Variants in AGTPBP1 observed in about 807,000 individuals in gnomAD.
AGTPBP1 encodes the protein cytosolic carboxypeptidase 1.
A neutral mutation model predicts 143.9 loss-of-function variants in AGTPBP1; 70 were observed. The observed-to-expected ratio is 0.49, with a 90% confidence interval of 0.40 to 0.59. The LOEUF (loss-of-function observed/expected upper bound fraction) is 0.59, where lower values mean the gene tolerates loss of function less well. Among genes scored for constraint, AGTPBP1 ranks in the 20% least tolerant of loss-of-function variants. The pLI is 0.00. For missense variants in AGTPBP1, 1,229 were observed against 1,464.5 expected (o/e 0.84, Z 2.62); for synonymous variants, 463 against 500.2 (o/e 0.93, Z 0.99).
At position 85,632,831 on chromosome 9, in the gene AGTPBP1, C is replaced by T. The variant is rs767268412; in HGVS notation, c.1846G>A (p.Val616Ile). 9.3e-6 allele frequency: 15 copies of T among 1,614,032 alleles called. No homozygotes were observed. Among genetic ancestry groups the T allele is most frequent in the Non-Finnish European group, 1.2e-5 (14 of 1,180,028 alleles). ...AGTGTTGGTCCATCAGGTACTTCAACCGATGCTTGTTCTACCGATGAATTT... is the reference window on the plus strand; with the variant it reads ...AGTGTTGGTCCATCAGGTACTTCAATCGATGCTTGTTCTACCGATGAATTT... The part of the protein sequence containing the change: ...ESNSSVEQAS[V>I]EVPDGPTLHD... The change falls in exon 14 of 26, where the codon GTT becomes ATT. Residue 616 changes from valine to isoleucine, a missense_variant. By Grantham distance (29) the Val-to-Ile change is conservative. Around this residue, in one of 2 missense-constraint regions of AGTPBP1, gnomAD observed 743 missense variants for 812.2 expected, o/e 0.91. Coordinates refer to ENST00000357081, the MANE Select transcript of AGTPBP1 (RefSeq NM_001330701.2).
the AGTPBP1 span, chr9:85,753,212 T>C: frequency 8.7e-6 from 13 of 1,499,390 alleles, 1 homozygote; most frequent in Non-Finnish European, 1.1e-5. Flanking sequence ...CGAGATCTTG[T>C]CTCCAAAAAA....
chr9:85,582,594 CA>C, intron 23 of AGTPBP1, among the ~76,000 whole-genome samples: 1 of 152,020 alleles, frequency 6.6e-6, no homozygotes, highest in Non-Finnish European at 1.5e-5. Flanking sequence ...GCAGGACAAT[CA>C]TTTGAACCAG....
Position 85,589,562 on chromosome 9 carries a change from T to C in AGTPBP1, c.2688A>G (p.Pro896=), listed in dbSNP as rs755753117. 1.2e-6 allele frequency: 2 copies of C among 1,611,834 alleles called. No homozygotes were observed. Among genetic ancestry groups the C allele is most frequent in the Admixed American group, 1.7e-5 (1 of 59,480 alleles). Reference sequence around the variant, plus strand: ...AGATATGTTCATAATAATTAGACTCTGGCATTGCTGTTATAGTCACCAAGG... The same window carrying C: ...AGATATGTTCATAATAATTAGACTCCGGCATTGCTGTTATAGTCACCAAGG... ...SCPLVTITAM[P]ESNYYEHICH... The change falls in exon 20 of 26, where the codon CCA becomes CCG. Residue 896 remains proline, a synonymous_variant. Transcript: ENST00000357081.
At chr9:85,713,350 G>A (rs1199724133) in intron 1 of AGTPBP1, among the ~76,000 whole-genome samples, 4 of 152,174 alleles carry the variant, frequency 2.6e-5, no homozygotes, top group Non-Finnish European at 5.9e-5. Flanking sequence ...GGCCAACATG[G>A]TGAAACCCCA....
At chr9:85,640,724 A>C (rs1832407438) in intron 13 of AGTPBP1, among the ~76,000 whole-genome samples, 1 of 107,076 alleles carries the variant, frequency 9.3e-6, no homozygotes, top group South Asian at 3.1e-4. Context: ...TAAACATAGA[A>C]TGCAAGACAA....
chr9:85,762,788 T>C, the AGTPBP1 span, among the ~76,000 whole-genome samples: 1 of 145,530 alleles, frequency 6.9e-6, no homozygotes, highest in African/African-American at 2.6e-5. Context: ...TATAAAACTT[T>C]ATATATATAA....
At chr9:85,615,935 C>T (rs1193405016) in intron 17 of AGTPBP1, among the ~76,000 whole-genome samples, 1 of 151,884 alleles carries the variant, frequency 6.6e-6, no homozygotes, top group Non-Finnish European at 1.5e-5. Context: ...ACAGTACTTC[C>T]ACTGGATGTC....
chr9:85,547,181 T>C lies in AGTPBP1; in HGVS notation c.3609A>G (p.Val1203=), dbSNP rs746947692. 3 of 1,613,626 alleles carry C rather than the reference T, an allele frequency of 1.9e-6. No individual in the cohort carries two copies. In the South Asian group the frequency reaches 3.3e-5, roughly 18 times the overall value. ...CTTGAGCAGAAGGTTCATAATCTCC[T>C]ACATTTTCAGCCAACTCAATATCTA... is the stretch of plus-strand genomic sequence containing the variant. ...DELDIELAEN[V]GDYEPSAQEE... Residue 1203 remains valine, a synonymous_variant, in exon 26 of 26, where the codon GTA becomes GTG. Transcript: ENST00000357081.
intron 3 of AGTPBP1, among the ~76,000 whole-genome samples, chr9:85,683,898 G>A (rs1173760278): frequency 6.6e-6 from 1 of 151,870 alleles, no homozygotes; most frequent in Non-Finnish European, 1.5e-5. Context: ...CACAGTATCA[G>A]TCCCCTCCAT....
At chr9:85,636,099 T>A (rs767976447) in intron 13 of AGTPBP1, among the ~76,000 whole-genome samples, 1 of 151,660 alleles carries the variant, frequency 6.6e-6, no homozygotes, top group Non-Finnish European at 1.5e-5. Context: ...AACCTAAACA[T>A]ACAATTCAAC....
chr9:85,637,158 C>G (rs1003375236), intron 13 of AGTPBP1, among the ~76,000 whole-genome samples: 2 of 151,608 alleles, frequency 1.3e-5, no homozygotes, highest in Non-Finnish European at 2.9e-5. Flanking sequence ...TCTCCTGCCT[C>G]AGCCTCCCAA....
chr9:85,659,912 T>C (rs1161306728), intron 9 of AGTPBP1, among the ~76,000 whole-genome samples: 1 of 152,124 alleles, frequency 6.6e-6, no homozygotes, highest in Non-Finnish European at 1.5e-5. Context: ...CCACATCATA[T>C]ATGAAAATAA....
chr9:85,781,078 C>T, the AGTPBP1 span: 1 of 1,280,802 alleles, frequency 7.8e-7, no homozygotes, highest in South Asian at 1.7e-5. Context: ...GCATATCACG[C>T]CACTGCACTC....
the AGTPBP1 span, chr9:85,774,129 C>T: frequency 3.3e-6 from 3 of 902,530 alleles, no homozygotes; most frequent in Non-Finnish European, 5.3e-6. Context: ...AAAAGCTCAA[C>T]ATGTTTAAAT....
chr9:85,668,101 A>C (rs4877948), intron 8 of AGTPBP1, among the ~76,000 whole-genome samples: 1 of 152,126 alleles, frequency 6.6e-6, no homozygotes, highest in African/African-American at 2.4e-5. Context: ...CTAGGAAAAA[A>C]GAAAAACAGA....
intron 25 of AGTPBP1, among the ~76,000 whole-genome samples, chr9:85,564,973 G>A (rs1826987889): frequency 6.6e-6 from 1 of 152,030 alleles, no homozygotes; most frequent in African/African-American, 2.4e-5. Context: ...TATGTCACAT[G>A]AGGTTACAGT....
intron 14 of AGTPBP1, among the ~76,000 whole-genome samples, chr9:85,632,288 T>A (rs1176877209): frequency 1.3e-5 from 2 of 152,218 alleles, no homozygotes; most frequent in African/African-American, 4.8e-5. Context: ...AGCCTATTTT[T>A]AAATCCTATA....
chr9:85,572,996 C>G (rs1424846604), intron 25 of AGTPBP1, among the ~76,000 whole-genome samples: 7 of 152,160 alleles, frequency 4.6e-5, no homozygotes, highest in Admixed American at 3.9e-4. Flanking sequence ...TAAAATGAGA[C>G]TATTGTTACC....
Position 85,657,126 on chromosome 9 carries a change from CAT to C in AGTPBP1, c.909+307_909+308del, listed in dbSNP as rs1449183147. Among the ~76,000 whole-genome samples, 8 of 147,650 alleles carry C rather than the reference CAT, an allele frequency of 5.4e-5. No homozygotes were observed. In the South Asian group the frequency reaches 8.5e-4, roughly 16 times the overall value. On this transcript the variant is annotated intron_variant, in intron 10 of 25. Coordinates refer to ENST00000357081, the MANE Select transcript of AGTPBP1 (RefSeq NM_001330701.2). ...AGTGCACCAGCATGGCACATGTATACATATGTAACTAACCTGCACAATGTGCA... is the reference window on the plus strand; with the variant it reads ...AGTGCACCAGCATGGCACATGTATACATGTAACTAACCTGCACAATGTGCA...
Sources: allele counts gnomAD v4.1 joint callset (sites outside exome capture counted in the v4.1 genomes callset), GRCh38; gene constraint gnomAD v4.1.1; regional missense constraint gnomAD v4.1.1; transcripts MANE v1.5; gene names NCBI Gene and HGNC (gene_info 2026-07-23, HGNC 2026-07-21).